Variants in LDB3 observed in about 807,000 individuals in gnomAD.
LDB3 encodes LIM domain binding 3.
Under a neutral mutation model 69.0 loss-of-function variants are expected in LDB3, and 49 were observed. The ratio of observed to expected loss-of-function variants is 0.71; its 90% CI spans 0.56 to 0.90. The LOEUF is 0.90. Among genes scored for constraint, LDB3 ranks in the 40% least tolerant of loss-of-function variants. LDB3 has a pLI of 0.00. For synonymous variants in LDB3, 387 were observed against 396.2 expected (o/e 0.98, Z 0.28); for missense variants, 928 against 974.1 (o/e 0.95, Z 0.63).
chr10:86,713,856 T>A (rs1230069648), intron 9 of LDB3, among the ~76,000 whole-genome samples: 1 of 152,176 alleles, frequency 6.6e-6, no homozygotes, highest in Non-Finnish European at 1.5e-5. Flanking sequence ...TGTCAGGCAT[T>A]CCACCACCAC....
intron 13 of LDB3, among the ~76,000 whole-genome samples, chr10:86,731,376 C>G (rs1319423066): frequency 6.6e-6 from 1 of 151,476 alleles, no homozygotes; most frequent in Non-Finnish European, 1.5e-5. Context: ...CAGTGCGCAC[C>G]ACCACACCCG....
intron 7 of LDB3, among the ~76,000 whole-genome samples, chr10:86,697,588 C>T (rs558708959): frequency 8.7e-6 from 1 of 114,854 alleles, no homozygotes; most frequent in Non-Finnish European, 1.6e-5. Context: ...GAGTCTCACT[C>T]TGTCGCCCAG....
At chr10:86,710,536 C>T (rs1331794074) in intron 9 of LDB3, among the ~76,000 whole-genome samples, 5 of 152,236 alleles carry the variant, frequency 3.3e-5, no homozygotes, top group African/African-American at 9.6e-5. Context: ...TGAGCCGAGA[C>T]TGCACCATTG....
chr10:86,675,869 T>C (rs187719966), intron 2 of LDB3, among the ~76,000 whole-genome samples: 3 of 152,350 alleles, frequency 2.0e-5, no homozygotes, highest in East Asian at 3.9e-4. Flanking sequence ...GGGGATCACA[T>C]AGAGGAGTAG....
chr10:86,702,194 A>C (rs1384212844), intron 7 of LDB3, among the ~76,000 whole-genome samples: 1 of 152,106 alleles, frequency 6.6e-6, no homozygotes. Context: ...ATCTTAACTA[A>C]CACAAGTAGC....
chr10:86,718,826 G>A lies in LDB3; in HGVS notation c.1957G>A (p.Gly653Arg), dbSNP rs149945820. ...GAACAGCCTCTTCCACATGGAAGAC[G>A]GGGAGCCCTACTGCGAGAAAGGTAG... The part of the protein sequence containing the change: ...FGNSLFHMED[G>R]EPYCEKDYIN... Residue 653 changes from glycine (G) to arginine (R), a missense_variant, in exon 12 of 14, where the codon GGG becomes AGG. Physicochemically the swap from Gly to Arg is moderately radical, Grantham distance 125 (BLOSUM62 -2). Transcript: ENST00000361373. 7.4e-6 allele frequency: 12 copies of A among 1,613,978 alleles called. No homozygotes were observed. The highest frequency in any genetic ancestry group is 4.4e-5 in the South Asian group (4 of 91,076).
chr10:86,713,100 C>G (rs544897743), intron 9 of LDB3, among the ~76,000 whole-genome samples: 34 of 151,738 alleles, frequency 2.2e-4, no homozygotes, highest in African/African-American at 8.2e-4. Flanking sequence ...AACATATAAT[C>G]AATATAAAAT....
At chr10:86,674,333 G>A (rs1011145687) in intron 2 of LDB3, among the ~76,000 whole-genome samples, 4 of 152,134 alleles carry the variant, frequency 2.6e-5, no homozygotes, top group Non-Finnish European at 2.9e-5. Context: ...TCAGGGGCCC[G>A]GCCCATACTG....
chr10:86,717,723 AT>A (rs1283616117), intron 10 of LDB3, among the ~76,000 whole-genome samples: 1 of 152,228 alleles, frequency 6.6e-6, no homozygotes, highest in Non-Finnish European at 1.5e-5. Flanking sequence ...ATTCTATAAT[AT>A]GTTTACCCAG....
intron 4 of LDB3, among the ~76,000 whole-genome samples, chr10:86,681,146 C>A (rs11813013): frequency 2.0e-5 from 3 of 152,210 alleles, no homozygotes; most frequent in Admixed American, 2.0e-4. Flanking sequence ...ATCCCCTGAC[C>A]CCTACACCCA....
At chr10:86,713,682 C>T (rs1846755915) in intron 9 of LDB3, among the ~76,000 whole-genome samples, 1 of 152,228 alleles carries the variant, frequency 6.6e-6, no homozygotes, top group Non-Finnish European at 1.5e-5. Flanking sequence ...CTCTCTGTCC[C>T]TGGTGGTGTT....
intron 10 of LDB3, among the ~76,000 whole-genome samples, chr10:86,717,373 A>G (rs1267392726): frequency 2.0e-5 from 3 of 152,210 alleles, no homozygotes; most frequent in Non-Finnish European, 4.4e-5. Context: ...ATTGGAAAAC[A>G]CAGAAAAGTA....
Position 86,678,340 on chromosome 10 carries a change from C to CTTT in LDB3, c.94-1012_94-1010dup, listed in dbSNP as rs59059288. ...GCATGAGCCACCACACCTGGCCACC[C>CTTT]TTTTTTTTTTTTTTTTTAAGACCGA... On this transcript the variant is annotated intron_variant, in intron 2 of 13. Coordinates refer to ENST00000361373, the MANE Select transcript of LDB3 (RefSeq NM_007078.3). Among the ~76,000 whole-genome samples the CTTT allele has an allele frequency of 4.7e-3, 544 of 116,046 alleles. 6 individuals are homozygous for CTTT. Among genetic ancestry groups the CTTT allele is most frequent in the African/African-American group, 0.017 (522 of 30,748 alleles). The allele number at this position is 116,046 out of a possible 152,430, so 76.1% of individuals were successfully genotyped here. A position where few individuals can be genotyped will look rare whatever the true frequency, so the allele number is the denominator to read the frequency against.
rs1308589918 is a variant in LDB3, at chr10:86,668,744, AG to A, written c.59del (p.Gly20AlafsTer41). On this transcript the variant is annotated frameshift_variant, in exon 2 of 14. Transcript: ENST00000361373. LOFTEE classifies it high-confidence loss of function. ...CCCGGGCCCTGGGGCTTCCGTCTGCAGGGGGGCAAGGACTTCAACATGCCCC... is the reference window on the plus strand; with the variant it reads ...CCCGGGCCCTGGGGCTTCCGTCTGCAGGGGGCAAGGACTTCAACATGCCCC... ...TGPGPWGFRL[Q>X]GGKDFNMPLT... 3 of 1,613,134 alleles carry A rather than the reference AG, an allele frequency of 1.9e-6. No homozygotes were observed. Among genetic ancestry groups the A allele is most frequent in the Non-Finnish European group, 2.5e-6 (3 of 1,179,986 alleles).
Position 86,687,164 on chromosome 10 carries a change from C to T in LDB3, c.690-4732C>T, listed in dbSNP as rs281865143. The T allele has an allele frequency of 6.2e-7, 1 of 1,614,246 alleles. No homozygotes were observed. The highest frequency in any genetic ancestry group is 8.5e-7 in the Non-Finnish European group (1 of 1,180,038). ...GAGGTGAAGGGGCTGGGCGGCAAGG[C>T]CACCATCATCCATGCGCAGTACAAC... On this transcript the variant is annotated intron_variant, in intron 5 of 13. Coordinates refer to ENST00000361373, the MANE Select transcript of LDB3 (RefSeq NM_007078.3).
At chr10:86,676,586 G>GAA (rs66814147) in intron 2 of LDB3, among the ~76,000 whole-genome samples, 2 of 134,120 alleles carry the variant, frequency 1.5e-5, no homozygotes, top group Non-Finnish European at 3.2e-5. Flanking sequence ...AAAAGAGAAA[G>GAA]AAAAAAAAAA....
rs377458607 is a variant in LDB3, at chr10:86,711,417, A to G, written c.1231+1367A>G. On this transcript the variant is annotated intron_variant, in intron 9 of 13. Coordinates refer to ENST00000361373, the MANE Select transcript of LDB3 (RefSeq NM_007078.3). ...CGCAGACATTAACTCATTCCTGCCT[A>G]GGGGGAAAGAGGCGGCCGGGCGGGC... Among the ~76,000 whole-genome samples the G allele has an allele frequency of 6.1e-4, 92 of 151,904 alleles. No homozygotes were observed. In the East Asian group the frequency reaches 0.016, roughly 27 times the overall value.
chr10:86,724,466 T>A lies in LDB3; in HGVS notation c.1979-1671T>A, dbSNP rs539438625. Among the ~76,000 whole-genome samples the A allele has an allele frequency of 2.6e-5, 4 of 151,312 alleles. No homozygotes were observed. The South Asian group carries it at 6.3e-4, about 24-fold the overall frequency. ...AAAAATAAAAAAATATAGCTGGGTG[T>A]GGTGGCGCGTGCCTGCCCTCCCAGC... On this transcript the variant is annotated intron_variant, in intron 12 of 13. Coordinates refer to ENST00000361373, the MANE Select transcript of LDB3 (RefSeq NM_007078.3).
rs1846942056 is a variant in LDB3 at position 86,718,099 on chromosome 10, A to G, written c.1812A>G (p.Gln604=). The G allele has an allele frequency of 6.2e-7, 1 of 1,614,170 alleles. No individual in the cohort carries two copies. Among genetic ancestry groups the G allele is most frequent in the South Asian group, 1.1e-5 (1 of 91,076 alleles). ...NNVYCERCYE[Q]FFAPLCAKCN... The stretch of plus-strand genomic sequence containing the variant: ...TTTACTGTGAGCGATGTTATGAGCA[A>G]TTCTTTGCCCCGCTGTGTGCCAAGT... Residue 604 remains glutamine (Q), a synonymous_variant, in exon 11 of 14, where the codon CAA becomes CAG. Coordinates refer to ENST00000361373, the MANE Select transcript of LDB3 (RefSeq NM_007078.3).
Sources: allele counts gnomAD v4.1 joint callset (sites outside exome capture counted in the v4.1 genomes callset), GRCh38; gene constraint gnomAD v4.1.1; transcripts MANE v1.5; gene names NCBI Gene and HGNC (gene_info 2026-07-23, HGNC 2026-07-21).